ST3GAL3: variants seen among roughly 807,000 people sequenced by gnomAD.
The protein encoded by ST3GAL3 is ST3 beta-galactoside alpha-2,3-sialyltransferase 3.
Under a neutral mutation model 50.1 loss-of-function variants are expected in ST3GAL3, and 21 were observed. The ratio of observed to expected loss-of-function variants is 0.42; its 90% CI spans 0.30 to 0.60. The LOEUF is 0.60. ST3GAL3 is among the 20% of genes least tolerant of loss of function. The pLI, the probability that ST3GAL3 is intolerant of heterozygous loss-of-function variation, is 0.19. For missense variants in ST3GAL3, 353 were observed against 489.4 expected, an observed-to-expected ratio of 0.72 and a Z score of 2.63; for synonymous variants, 183 against 190.0, an observed-to-expected ratio of 0.96 and a Z score of 0.30.
chr1:43,793,774 C>G (rs2058364089), intron 3 of ST3GAL3, among the ~76,000 whole-genome samples: 1 of 151,890 alleles, frequency 6.6e-6, no homozygotes, highest in Admixed American at 6.6e-5. Flanking sequence ...ATCAAAAGAC[C>G]CTATTAAGAG....
chr1:43,878,773 A>T (rs1222290347), intron 5 of ST3GAL3, among the ~76,000 whole-genome samples: 2 of 152,228 alleles, frequency 1.3e-5, no homozygotes, highest in East Asian at 3.8e-4. Context: ...GCTCAGTTTT[A>T]TCAAGAGGGA....
intron 3 of ST3GAL3, among the ~76,000 whole-genome samples, chr1:43,806,558 A>G (rs1268044039): frequency 9.9e-5 from 15 of 152,178 alleles, no homozygotes; most frequent in Admixed American, 9.2e-4. Flanking sequence ...AAGAAGGATC[A>G]AGGCTGGAAG....
intron 5 of ST3GAL3, among the ~76,000 whole-genome samples, chr1:43,872,901 C>T (rs1471269438): frequency 6.6e-6 from 1 of 152,128 alleles, no homozygotes; most frequent in Non-Finnish European, 1.5e-5. Context: ...TCAGGGAAGG[C>T]CATGCTGATA....
At chr1:43,802,245 A>G (rs2059403899) in intron 3 of ST3GAL3, among the ~76,000 whole-genome samples, 1 of 152,338 alleles carries the variant, frequency 6.6e-6, no homozygotes, top group Middle Eastern at 3.4e-3. Context: ...AGTTATCATC[A>G]AAAACTCACA....
chr1:43,814,759 C>A, intron 3 of ST3GAL3, 132 bp from the exon 4 acceptor site: 1 of 872,630 alleles, frequency 1.1e-6, no homozygotes, highest in Non-Finnish European at 2.0e-6. Flanking sequence ...TATTTAGTTA[C>A]GTTCTTTGAA....
At chr1:43,929,339 CTG>C (rs1228766637) in intron 11 of ST3GAL3, among the ~76,000 whole-genome samples, 1 of 150,968 alleles carries the variant, frequency 6.6e-6, no homozygotes, top group Non-Finnish European at 1.5e-5. Context: ...GAATCTCTCT[CTG>C]TTGCCCAGGC....
intron 2 of ST3GAL3, among the ~76,000 whole-genome samples, chr1:43,750,393 T>C (rs1685560049): frequency 6.6e-6 from 1 of 152,154 alleles, no homozygotes; most frequent in Non-Finnish European, 1.5e-5. Flanking sequence ...TTATTAACAA[T>C]AGCCAGGTAC....
At chr1:43,898,466 C>T (rs1392891312) in intron 7 of ST3GAL3, 168 bp downstream of exon 7, 3 of 714,254 alleles carry the variant, frequency 4.2e-6, no homozygotes, top group Non-Finnish European at 7.5e-6. Context: ...AACCACTCCA[C>T]CTGACTTGCA....
chr1:43,913,657 C>T (rs1326308334), intron 9 of ST3GAL3: 6 of 152,108 alleles, frequency 3.9e-5, no homozygotes, highest in Admixed American at 2.6e-4. Context: ...TCTCCTTTCC[C>T]TGAAATCTCT....
chr1:43,850,360 C>T (rs1414527960), intron 5 of ST3GAL3: 8 of 553,456 alleles, frequency 1.4e-5, no homozygotes, highest in South Asian at 8.9e-5. Flanking sequence ...TCCTGGAGAG[C>T]CTGCACACAC....
chr1:43,718,481 G>T (rs758922284), intron 1 of ST3GAL3, among the ~76,000 whole-genome samples: 3 of 151,048 alleles, frequency 2.0e-5, no homozygotes, highest in East Asian at 2.0e-4. Flanking sequence ...GAGCCACTGC[G>T]CCTGTCTATC....
chr1:43,908,828 C>T (rs1454795609), intron 9 of ST3GAL3, among the ~76,000 whole-genome samples: 4 of 152,086 alleles, frequency 2.6e-5, no homozygotes, highest in African/African-American at 9.7e-5. Flanking sequence ...GATGGGGTTT[C>T]GCCATGTTGG....
chr1:43,792,101 G>A lies in ST3GAL3; in HGVS notation c.119-1G>A, dbSNP rs2058153895. On this transcript the variant is annotated splice_acceptor_variant, in intron 2 of 11. Transcript: ENST00000347631. LOFTEE classifies it high-confidence loss of function. ...AATGAACTTGTCCTCTTGTGTTGCA[G>A]ATTCAGTGGTTCTTTCCTTTGACTC... The A allele has an allele frequency of 6.2e-7, 1 of 1,614,120 alleles. No individual in the cohort carries two copies. The highest frequency in any genetic ancestry group is 1.3e-5 in the African/African-American group (1 of 74,942).
chr1:43,912,743 TC>T (rs1233628067), intron 9 of ST3GAL3: 1 of 152,240 alleles, frequency 6.6e-6, no homozygotes, highest in African/African-American at 2.4e-5. Context: ...AGTGCTTTCT[TC>T]CCAGATGTTT....
rs754692705 is a variant in ST3GAL3, at chr1:43,814,953, AC to A, written c.209+22del. 2.5e-6 allele frequency: 4 copies of A among 1,613,496 alleles called. No homozygotes were observed. Among genetic ancestry groups the A allele is most frequent in the African/African-American group, 1.3e-5 (1 of 74,988 alleles). On this transcript the variant is annotated intron_variant, in intron 4 of 11. Coordinates refer to ENST00000347631, the MANE Select transcript of ST3GAL3 (RefSeq NM_006279.5). ...TAAACTGTGAGTAGAATGAGAAGAT[AC>A]CTTGGCTCTGTGGCAGAGAGGTCTG...
chr1:43,842,859 A>G (rs2065634503), intron 5 of ST3GAL3: 1 of 151,566 alleles, frequency 6.6e-6, no homozygotes, highest in Non-Finnish European at 1.5e-5. Context: ...CAGTTGTTCC[A>G]GAACCATTTG....
At chr1:43,734,541 C>T (rs889181327) in intron 1 of ST3GAL3, among the ~76,000 whole-genome samples, 1 of 152,106 alleles carries the variant, frequency 6.6e-6, no homozygotes, top group African/African-American at 2.4e-5. Flanking sequence ...AACTCCAGGG[C>T]TCAAGCAGTT....
rs935088729 is a variant in ST3GAL3, at chr1:43,737,205, G to A, written c.118+825G>A. 1 of 152,412 alleles carries A rather than the reference G, an allele frequency of 6.6e-6. No individual in the cohort carries two copies. Among genetic ancestry groups the A allele is most frequent in the Non-Finnish European group, 1.5e-5 (1 of 68,226 alleles). The allele number at this position is 152,412 out of a possible 1,614,324, so 9.4% of individuals were successfully genotyped here. A position where few individuals can be genotyped will look rare whatever the true frequency, so the allele number is the denominator to read the frequency against. On this transcript the variant is annotated intron_variant, in intron 2 of 11. Transcript: ENST00000347631. The surrounding 1 kb of genome is among the most constrained non-coding windows in gnomAD (Gnocchi z 4.0). ...GGAAATAGTATAAAATCAGAACAGA[G>A]TGGCCTGTTTTGACCTGCAGTGATA... is the stretch of plus-strand genomic sequence containing the variant.
At chr1:43,890,411 G>T (rs1475540975) in intron 5 of ST3GAL3, among the ~76,000 whole-genome samples, 1 of 152,144 alleles carries the variant, frequency 6.6e-6, no homozygotes, top group Non-Finnish European at 1.5e-5. Context: ...ATAATGAAAA[G>T]TTTAAAAATA....
Sources: allele counts gnomAD v4.1 joint callset (sites outside exome capture counted in the v4.1 genomes callset), GRCh38; gene constraint gnomAD v4.1.1; non-coding constraint Gnocchi (gnomAD v3.1); transcripts MANE v1.5; gene names NCBI Gene and HGNC (gene_info 2026-07-23, HGNC 2026-07-21).